PRKCB: variants seen among roughly 807,000 people sequenced by gnomAD.
PRKCB encodes the protein protein kinase C beta, also known as protein kinase C beta type.
In PRKCB, 13 loss-of-function variants were observed where a neutral mutation model predicts 81.5. That is an observed-to-expected ratio of 0.16 (90% confidence interval 0.10 to 0.25). PRKCB has a LOEUF of 0.25. Among genes scored for constraint, PRKCB ranks in the 10% least tolerant of loss-of-function variants. PRKCB has a pLI of 1.00. For missense variants in PRKCB, 509 were observed against 875.7 expected, an observed-to-expected ratio of 0.58 and a Z score of 5.29; for synonymous variants, 335 against 321.4, an observed-to-expected ratio of 1.04 and a Z score of -0.45.
chr16:23,845,095 C>T (rs1962344856), intron 2 of PRKCB, among the ~76,000 whole-genome samples: 1 of 152,180 alleles, frequency 6.6e-6, no homozygotes, highest in Non-Finnish European at 1.5e-5. Context: ...AGCCACCACA[C>T]CTGGCCTCAC....
chr16:23,843,312 A>G (rs1962298380), intron 2 of PRKCB, among the ~76,000 whole-genome samples: 2 of 152,158 alleles, frequency 1.3e-5, no homozygotes, highest in South Asian at 4.1e-4. Flanking sequence ...TTCTTCCCAG[A>G]AGCAGACCCC....
At chr16:24,058,711 G>A (rs1347841722) in intron 5 of PRKCB, among the ~76,000 whole-genome samples, 1 of 152,212 alleles carries the variant, frequency 6.6e-6, no homozygotes, top group Non-Finnish European at 1.5e-5. Flanking sequence ...TCAGACCATA[G>A]ATTGTAGCTA....
chr16:24,220,119 T>G lies in PRKCB; in HGVS notation c.*5303T>G. ...AGTTTGTCATTAATGTGTAGGTGAA[T>G]GCAAACTCCATCGTTGAGCCTGGGG... On this transcript the variant is annotated 3_prime_UTR_variant, in exon 17 of 17. Transcript: ENST00000643927. 6.2e-7 allele frequency: 1 copy of G among 1,614,028 alleles called. No homozygotes were observed. The highest frequency in any genetic ancestry group is 8.5e-7 in the Non-Finnish European group (1 of 1,179,922).
chr16:23,933,874 A>G, intron 2 of PRKCB, among the ~76,000 whole-genome samples: 1 of 132,208 alleles, frequency 7.6e-6, no homozygotes, highest in East Asian at 2.2e-4. Flanking sequence ...CCATCCATCC[A>G]TCCATCATCT....
intron 3 of PRKCB, among the ~76,000 whole-genome samples, chr16:24,004,259 C>T (rs1478839769): frequency 6.6e-6 from 1 of 151,776 alleles, no homozygotes. Flanking sequence ...CAACTCTTGG[C>T]AGTGTATAAA....
At chr16:24,146,599 G>A (rs978316102) in intron 9 of PRKCB, among the ~76,000 whole-genome samples, 1 of 152,192 alleles carries the variant, frequency 6.6e-6, no homozygotes, top group African/African-American at 2.4e-5. Flanking sequence ...CAGGGGCCGA[G>A]ATTCCAGGCA....
At chr16:24,171,727 A>T (rs1967443600) in intron 10 of PRKCB, among the ~76,000 whole-genome samples, 1 of 151,818 alleles carries the variant, frequency 6.6e-6, no homozygotes, top group South Asian at 2.1e-4. Flanking sequence ...ATAAACTTGT[A>T]ATTATTATTA....
At chr16:24,021,205 TC>T (rs1965385519) in intron 3 of PRKCB, among the ~76,000 whole-genome samples, 1 of 40,022 alleles carries the variant, frequency 2.5e-5, no homozygotes. Context: ...TTTCTTTCTT[TC>T]TTTCTTTCTT....
intron 16 of PRKCB, among the ~76,000 whole-genome samples, chr16:24,193,476 T>TAAATAAATAAATA (rs1555501793): frequency 0.027 from 3,836 of 139,866 alleles, 87 homozygotes; most frequent in Middle Eastern, 0.065. Flanking sequence ...AATAAATAAA[T>TAAATAAATAAATA]AAATAAATAA....
chr16:24,187,501 T>C (rs565600871), intron 15 of PRKCB, among the ~76,000 whole-genome samples: 2 of 152,172 alleles, frequency 1.3e-5, no homozygotes, highest in Non-Finnish European at 2.9e-5. Context: ...TTATTATTAC[T>C]ATTACTAGTG....
At chr16:24,109,041 C>G (rs1244318867) in intron 7 of PRKCB, among the ~76,000 whole-genome samples, 1 of 145,356 alleles carries the variant, frequency 6.9e-6, no homozygotes, top group Admixed American at 6.8e-5. Context: ...CTGACCCCCC[C>G]ACCTCTCTCC....
intron 3 of PRKCB, among the ~76,000 whole-genome samples, chr16:24,002,338 T>TGTGC (rs997257625): frequency 1.1e-4 from 17 of 151,874 alleles, no homozygotes; most frequent in Admixed American, 3.3e-4. Context: ...CGTGTGTGTG[T>TGTGC]GTGCGTGCGT....
rs573798164 is a variant in PRKCB at position 24,014,222 on chromosome 16, G to C, written c.289-17914G>C. ...TACGGGACCCCCCACTTAGCAAAAAGGGGTGCTCAGACCACTTCCCTTAGT... is the reference window on the plus strand; with the variant it reads ...TACGGGACCCCCCACTTAGCAAAAACGGGTGCTCAGACCACTTCCCTTAGT... On this transcript the variant is annotated intron_variant, in intron 3 of 16. Transcript: ENST00000643927. Among the ~76,000 whole-genome samples, 14 of 152,282 alleles carry C rather than the reference G, an allele frequency of 9.2e-5. No individual in the cohort carries two copies. In the South Asian group the frequency reaches 2.7e-3, roughly 29 times the overall value.
chr16:23,999,527 G>A (rs994470468), intron 3 of PRKCB, among the ~76,000 whole-genome samples: 15 of 152,310 alleles, frequency 9.8e-5, no homozygotes, highest in East Asian at 3.9e-4. Context: ...ATGGGCACTC[G>A]CCATTGGAGG....
chr16:24,191,918 C>G (rs1383625299), intron 16 of PRKCB, among the ~76,000 whole-genome samples: 1 of 152,310 alleles, frequency 6.6e-6, no homozygotes, highest in East Asian at 1.9e-4. Flanking sequence ...AAGTACTTGT[C>G]GGCATCAGGA....
intron 2 of PRKCB, among the ~76,000 whole-genome samples, chr16:23,944,902 C>T (rs1233143779): frequency 6.6e-6 from 1 of 152,166 alleles, no homozygotes; most frequent in Admixed American, 6.5e-5. Context: ...TGCTTTCTGC[C>T]TTTGCAGGCT....
intron 2 of PRKCB, among the ~76,000 whole-genome samples, chr16:23,927,761 G>T (rs1341739110): frequency 5.3e-5 from 8 of 152,026 alleles, no homozygotes; most frequent in African/African-American, 1.9e-4. Flanking sequence ...CTGGTTTCTG[G>T]CTTGGGTACT....
At chr16:24,127,131 C>T (rs1028267202) in intron 9 of PRKCB, among the ~76,000 whole-genome samples, 4 of 151,252 alleles carry the variant, frequency 2.6e-5, no homozygotes, top group African/African-American at 7.3e-5. Context: ...TCAGCCTTTT[C>T]GAGTGGCTGG....
chr16:24,068,135 C>T (rs1966061147), intron 5 of PRKCB, among the ~76,000 whole-genome samples: 4 of 152,092 alleles, frequency 2.6e-5, no homozygotes. Context: ...GAAGACTTGC[C>T]AGGGCCCTCC....
Sources: gnomAD v4.1 joint callset for allele counts (sites outside exome capture counted in the v4.1 genomes callset) on GRCh38, gnomAD v4.1.1 for gene constraint, MANE v1.5 for transcripts, NCBI Gene and HGNC (gene_info 2026-07-23, HGNC 2026-07-21) for gene names.